CLTA: variants seen among roughly 807,000 people sequenced by gnomAD.
The protein encoded by CLTA is clathrin light chain A.
In CLTA, 9 loss-of-function variants were observed where a neutral mutation model predicts 26.9. The ratio of observed to expected loss-of-function variants is 0.33; its 90% confidence interval spans 0.20 to 0.58. The LOEUF is 0.58. Ranked by LOEUF, CLTA falls within the 20% of genes least tolerant of loss-of-function variation. The pLI, the probability that CLTA is intolerant of heterozygous loss-of-function variation, is 0.85. For missense variants in CLTA, 278 were observed against 294.2 expected, an observed-to-expected ratio of 0.94 and a Z score of 0.40; for synonymous variants, 120 against 115.5, an observed-to-expected ratio of 1.04 and a Z score of -0.25.
At chr9:36,210,746 C>G in intron 4 of CLTA, 2 of 1,500,688 alleles carry the variant, frequency 1.3e-6, no homozygotes, top group Non-Finnish European at 1.9e-6. Flanking sequence ...GCGGTGTTTG[C>G]CACGGCCATC....
chr9:36,209,360 T>C (rs1827910102), intron 4 of CLTA: 2 of 1,465,184 alleles, frequency 1.4e-6, no homozygotes, highest in South Asian at 2.3e-5. Context: ...CATCTGATTC[T>C]TTCTACTTTT....
chr9:36,190,897 C>T, upstream of CLTA: 2 of 1,298,716 alleles, frequency 1.5e-6, no homozygotes, highest in South Asian at 1.6e-5. Context: ...CCGCCTAGAC[C>T]GACCGGATAC....
intron 4 of CLTA, among the ~76,000 whole-genome samples, chr9:36,206,209 T>C (rs892745435): frequency 6.6e-6 from 1 of 152,180 alleles, no homozygotes; most frequent in Non-Finnish European, 1.5e-5. Context: ...GAGAAGGAAC[T>C]TCCCCACTGC....
intron 3 of CLTA, among the ~76,000 whole-genome samples, chr9:36,201,592 T>A (rs2132900764): frequency 6.6e-6 from 1 of 152,316 alleles, no homozygotes; most frequent in African/African-American, 2.4e-5. Context: ...TATATTTTAG[T>A]CCTAATGTAT....
At chr9:36,208,143 TG>T (rs963502588) in intron 4 of CLTA, among the ~76,000 whole-genome samples, 6 of 152,130 alleles carry the variant, frequency 3.9e-5, no homozygotes, top group African/African-American at 1.4e-4. Context: ...CCTTGAAAAA[TG>T]TCTTTCCCCT....
chr9:36,206,623 G>T (rs572847149), intron 4 of CLTA, among the ~76,000 whole-genome samples: 2 of 152,174 alleles, frequency 1.3e-5, no homozygotes. Context: ...GCCGGACACC[G>T]TGACTCAACA....
At chr9:36,199,465 T>G (rs1400665340) in intron 3 of CLTA, among the ~76,000 whole-genome samples, 1 of 151,864 alleles carries the variant, frequency 6.6e-6, no homozygotes, top group African/African-American at 2.4e-5. Flanking sequence ...TTTTTTTTTT[T>G]TTGAGATGAA....
chr9:36,191,134 C>G lies in CLTA; in HGVS notation c.78C>G (p.Ala26=). 4 of 1,600,538 alleles carry G rather than the reference C, an allele frequency of 2.5e-6. No homozygotes were observed. The highest frequency in any genetic ancestry group is 3.4e-6 in the Non-Finnish European group (4 of 1,176,006). Residue 26 remains alanine (A), a synonymous_variant, in exon 1 of 5, where the codon GCC becomes GCG. Coordinates refer to ENST00000345519, the MANE Select transcript of CLTA (RefSeq NM_001833.4). Reference sequence around the variant, plus strand: ...CGCTGGGGAACGGAGTGGCCGGCGCCGGCGAAGAAGACCCGGCTGCGGCCT... The same window carrying G: ...CGCTGGGGAACGGAGTGGCCGGCGCGGGCGAAGAAGACCCGGCTGCGGCCT... ...GPALGNGVAG[A]GEEDPAAAFL... is the part of the protein sequence containing the mutation.
rs556019557 is a variant in CLTA at position 36,211,954 on chromosome 9, A to G, written c.*180A>G. On this transcript the variant is annotated 3_prime_UTR_variant, in exon 5 of 5. Transcript: ENST00000345519. ...CAACTGTGTTCTCCCTGGCATTCAG[A>G]GAGGAGGGAGAGGAGGAAGAGGAAG... The G allele has an allele frequency of 3.6e-4, 255 of 701,564 alleles. 1 individual carries two copies. In the African/African-American group the frequency reaches 3.7e-3, roughly 10 times the overall value. 43.5% of individuals were successfully genotyped at this position (701,564 alleles called of 1,614,324 possible). A position where few individuals can be genotyped will look rare whatever the true frequency, so the allele number is the denominator to read the frequency against.
intron 1 of CLTA, among the ~76,000 whole-genome samples, chr9:36,196,764 A>C (rs967450615): frequency 6.6e-6 from 1 of 152,230 alleles, no homozygotes; most frequent in Non-Finnish European, 1.5e-5. Context: ...TAGAGTGCTT[A>C]AAAAACTACA....
intron 3 of CLTA, 51 bp downstream of exon 3, chr9:36,199,147 G>GTCCAGCTCAACTA: frequency 8.8e-7 from 1 of 1,139,878 alleles, no homozygotes; most frequent in Non-Finnish European, 1.3e-6. Context: ...GAGTAGTTGA[G>GTCCAGCTCAACTA]CTGGACTCTA....
intron 3 of CLTA, 118 bp from the exon 4 acceptor site, chr9:36,203,950 C>A: frequency 7.2e-7 from 1 of 1,381,686 alleles, no homozygotes; most frequent in Non-Finnish European, 9.7e-7. Context: ...TCTCCCCCAA[C>A]AGGCACACAG....
At chr9:36,196,249 C>T (rs942214836) in intron 1 of CLTA, among the ~76,000 whole-genome samples, 1 of 151,416 alleles carries the variant, frequency 6.6e-6, no homozygotes, top group Non-Finnish European at 1.5e-5. Context: ...CACCACTGTA[C>T]TCTAGCCTGG....
intron 4 of CLTA, 63 bp from the exon 5 acceptor site, chr9:36,211,540 G>A: frequency 5.2e-6 from 8 of 1,529,914 alleles, no homozygotes; most frequent in Non-Finnish European, 7.1e-6. Context: ...GTGTAGCAAG[G>A]CAGCCACCAG....
chr9:36,199,698 C>T (rs1827292501), intron 3 of CLTA, among the ~76,000 whole-genome samples: 1 of 152,058 alleles, frequency 6.6e-6, no homozygotes, highest in South Asian at 2.1e-4. Flanking sequence ...TTGTGATCCA[C>T]ACACCTTGGC....
At chr9:36,199,155 C>CT (rs1827250241) in intron 3 of CLTA, 59 bp downstream of exon 3, 1 of 1,066,176 alleles carries the variant, frequency 9.4e-7, no homozygotes. Flanking sequence ...GAGCTGGACT[C>CT]TACTTTTATT....
chr9:36,194,617 T>G (rs1700893531), intron 1 of CLTA, among the ~76,000 whole-genome samples: 1 of 152,204 alleles, frequency 6.6e-6, no homozygotes, highest in South Asian at 2.1e-4. Flanking sequence ...GCTTCAAACG[T>G]AGGTCTGCTT....
Position 36,197,589 on chromosome 9 carries a change from G to T in CLTA, c.255+1G>T. 1 of 1,600,504 alleles carries T rather than the reference G, an allele frequency of 6.2e-7. No individual in the cohort carries two copies. Among genetic ancestry groups the T allele is most frequent in the Non-Finnish European group, 8.6e-7 (1 of 1,169,266 alleles). ...AGTAATGAATGGTGAATACTACCAG[G>T]TACAGAGTACTCTGATTCTGTTCAT... is the stretch of plus-strand genomic sequence containing the variant. On this transcript the variant is annotated splice_donor_variant, in intron 2 of 4. Transcript: ENST00000345519. LOFTEE classifies it high-confidence loss of function.
chr9:36,190,959 T>C lies in CLTA; in HGVS notation c.-98T>C. The C allele has an allele frequency of 1.4e-6, 2 of 1,443,240 alleles. No individual in the cohort carries two copies. The highest frequency in any genetic ancestry group is 1.8e-6 in the Non-Finnish European group (2 of 1,107,498). 89.4% of individuals were successfully genotyped at this position (1,443,240 alleles called of 1,614,324 possible). A position where few individuals can be genotyped will look rare whatever the true frequency, so the allele number is the denominator to read the frequency against. The stretch of plus-strand genomic sequence containing the variant: ...CTCCCTCCTGGCGCTTGTCCTCCTC[T>C]CCCAGTCGGCACCACAGCGGTGGCT... On this transcript the variant is annotated 5_prime_UTR_variant, in exon 1 of 5. Coordinates refer to ENST00000345519, the MANE Select transcript of CLTA (RefSeq NM_001833.4).
Sources: gnomAD v4.1 joint callset for allele counts (sites outside exome capture counted in the v4.1 genomes callset) on GRCh38, gnomAD v4.1.1 for gene constraint, MANE v1.5 for transcripts, NCBI Gene and HGNC (gene_info 2026-07-23, HGNC 2026-07-21) for gene names.